The following USHBP1 variants were observed in gnomAD, a reference collection of about 807,000 sequenced individuals.
USHBP1 encodes the protein USH1 protein network component harmonin binding protein 1.
In USHBP1, 67 loss-of-function variants were observed where a neutral mutation model predicts 76.2. The ratio of observed to expected loss-of-function variants is 0.88; its 90% CI spans 0.72 to 1.08. The LOEUF is 1.08. Ranked by LOEUF, USHBP1 falls within the 50% of genes least tolerant of loss-of-function variation. The pLI, the probability that USHBP1 is intolerant of heterozygous loss-of-function variation, is 0.00. For missense variants in USHBP1, 931 were observed against 915.0 expected (o/e 1.02, Z -0.23); for synonymous variants, 322 against 362.2 (o/e 0.89, Z 1.26).
At chr19:17,261,838 C>T (rs889864202) in intron 4 of USHBP1, among the ~76,000 whole-genome samples, 8 of 151,918 alleles carry the variant, frequency 5.3e-5, no homozygotes, top group African/African-American at 1.9e-4. Flanking sequence ...GCACGTGCCA[C>T]CACACCTGGC....
In USHBP1 at chr19:17,259,394, A is replaced by G; in HGVS notation, c.941T>C (p.Leu314Pro). ...CTTGTATCCCTGTAGCACAGCTGAT[A>G]GCAGACGATTAAAGCATTTGAGCTT... ...IEKLKCFNRL[L>P]SAVLQGYKGR... The change falls in exon 7 of 13, where the codon CTA becomes CCA. Residue 314 changes from leucine to proline, a missense_variant. By Grantham distance (98) the Leu-to-Pro change is moderately conservative. Coordinates refer to ENST00000252597, the MANE Select transcript of USHBP1 (RefSeq NM_031941.4). The G allele has an allele frequency of 6.2e-7, 1 of 1,614,174 alleles. No homozygotes were observed. Among genetic ancestry groups the G allele is most frequent in the Non-Finnish European group, 8.5e-7 (1 of 1,180,040 alleles).
chr19:17,258,506 C>T (rs939716987), intron 7 of USHBP1, 121 bp from the exon 8 acceptor site: 8 of 1,107,048 alleles, frequency 7.2e-6, no homozygotes, highest in Admixed American at 5.0e-5. Flanking sequence ...GTCAGGAGTT[C>T]GAGACCAGCC....
At chr19:17,257,229 C>T (rs1299723077) in intron 8 of USHBP1, among the ~76,000 whole-genome samples, 8 of 142,362 alleles carry the variant, frequency 5.6e-5, no homozygotes, top group Non-Finnish European at 1.2e-4. Flanking sequence ...GACGAGGTTT[C>T]ACCGTGTTAG....
In USHBP1 at chr19:17,250,254, G is replaced by T. The variant is rs199788991; in HGVS notation, c.2083C>A (p.Pro695Thr). The change falls in exon 13 of 13, where the codon CCT (proline) becomes ACT (threonine). Residue 695 changes from proline to threonine, a missense_variant. Pro to Thr is a conservative substitution (Grantham distance 38). Transcript: ENST00000252597. ...ALGKPRPPLP[P>T]PQLGDTFL ...AGAAAGGTGTCCCCAAGCTGGGGAG[G>T]CGGGAGGGGAGGCCTGGGCTTCCCC... is the stretch of plus-strand genomic sequence containing the variant. 7 of 1,612,708 alleles carry T rather than the reference G, an allele frequency of 4.3e-6. No homozygotes were observed. In the East Asian group the frequency reaches 1.6e-4, roughly 36 times the overall value.
At chr19:17,261,358 AAG>A (rs1466749101) in intron 4 of USHBP1, among the ~76,000 whole-genome samples, 5 of 102,230 alleles carry the variant, frequency 4.9e-5, no homozygotes, top group African/African-American at 2.1e-4. Context: ...TTTTTTGAGA[AAG>A]AGTTTTCTTC....
At chr19:17,251,786 T>G in intron 11 of USHBP1, 82 bp from the exon 12 acceptor site, 1 of 1,596,076 alleles carries the variant, frequency 6.3e-7, no homozygotes, top group Non-Finnish European at 8.5e-7. Flanking sequence ...CTGCCCACAG[T>G]ATTGTCATGT....
At position 17,255,638 on chromosome 19, in the gene USHBP1, T is replaced by C. The variant is rs1168878994; in HGVS notation, c.1471-32A>G. The C allele has an allele frequency of 2.6e-6, 4 of 1,567,350 alleles. No homozygotes were observed. The East Asian group carries it at 9.3e-5, about 36-fold the overall frequency. On this transcript the variant is annotated intron_variant, in intron 9 of 12. Coordinates refer to ENST00000252597, the MANE Select transcript of USHBP1 (RefSeq NM_031941.4). ...GACCAAGGAGAGGGGAGAGAATTTA[T>C]GCTTCTACGGTCAACTGCAGGGAAA...
intron 5 of USHBP1, 74 bp downstream of exon 5, chr19:17,259,823 T>G (rs1338746395): frequency 1.3e-6 from 2 of 1,583,022 alleles, no homozygotes; most frequent in Non-Finnish European, 1.7e-6. Context: ...TTGGATCCCA[T>G]GACAAAGATT....
At chr19:17,263,656 A>C in intron 3 of USHBP1, 1 of 196,692 alleles carries the variant, frequency 5.1e-6, no homozygotes, top group South Asian at 1.5e-4. Flanking sequence ...AAGTTGGGGG[A>C]TCACTTAAGG....
intron 9 of USHBP1, among the ~76,000 whole-genome samples, chr19:17,256,241 C>T (rs942770636): frequency 6.6e-6 from 1 of 152,118 alleles, no homozygotes; most frequent in Non-Finnish European, 1.5e-5. Flanking sequence ...TTGCTCCCAT[C>T]TCTTCCCATA....
At chr19:17,255,738 T>C in intron 9 of USHBP1, 132 bp from the exon 10 acceptor site, 3 of 993,102 alleles carry the variant, frequency 3.0e-6, no homozygotes, top group Admixed American at 2.8e-5. Context: ...CAGTGGCTCA[T>C]GCCTGTAATC....
At chr19:17,257,042 A>G (rs994025156) in intron 8 of USHBP1, among the ~76,000 whole-genome samples, 7 of 141,710 alleles carry the variant, frequency 4.9e-5, no homozygotes, top group African/African-American at 1.9e-4. Context: ...TTTTTTTGAG[A>G]CGCAGTCTTG....
At chr19:17,255,269 G>A in intron 10 of USHBP1, 116 bp downstream of exon 10, 2 of 1,180,916 alleles carry the variant, frequency 1.7e-6, no homozygotes, top group Non-Finnish European at 2.4e-6. Flanking sequence ...TCCAGCCTGG[G>A]CAACAAGAGC....
chr19:17,250,112 C>T lies in USHBP1; in HGVS notation c.*113G>A, dbSNP rs914896294. 7.6e-5 allele frequency: 99 copies of T among 1,305,068 alleles called. No homozygotes were observed. In the Middle Eastern group the frequency reaches 1.0e-3, roughly 13 times the overall value. 80.8% of individuals were successfully genotyped at this position (1,305,068 alleles called of 1,614,324 possible). A position where few individuals can be genotyped will look rare whatever the true frequency, so the allele number is the denominator to read the frequency against. On this transcript the variant is annotated 3_prime_UTR_variant, in exon 13 of 13. Coordinates refer to ENST00000252597, the MANE Select transcript of USHBP1 (RefSeq NM_031941.4). The stretch of plus-strand genomic sequence containing the variant: ...CACCCATGTGCACCAGCTTCCCTCA[C>T]GCCAAATGTGCCCCAACATGCCAAA...
intron 10 of USHBP1, among the ~76,000 whole-genome samples, chr19:17,253,755 G>A (rs149447385): frequency 0.023 from 3,469 of 149,570 alleles, 105 homozygotes; most frequent in African/African-American, 0.071. Context: ...TTAGCTGGGT[G>A]TGGTGGTGCA....
intron 8 of USHBP1, among the ~76,000 whole-genome samples, chr19:17,257,187 ATTTTT>A: frequency 7.6e-6 from 1 of 131,508 alleles, no homozygotes; most frequent in East Asian, 2.3e-4. Flanking sequence ...CGCCCGGCTA[ATTTTT>A]TTTTTTTTTT....
chr19:17,262,727 C>A lies in USHBP1; in HGVS notation c.467G>T (p.Gly156Val). The change falls in exon 4 of 13, where the codon GGA becomes GTA. Residue 156 changes from glycine to valine, a missense_variant. Coordinates refer to ENST00000252597, the MANE Select transcript of USHBP1 (RefSeq NM_031941.4). ...TTCCTGCTTCCCAAGGGAACCTGCT[C>A]CCCCTTCGCTTGTGCCTTCGAACTC... The part of the protein sequence containing the change: ...PMEFEGTSEG[G>V]AGSLGKQEGA... 1 of 1,614,242 alleles carries A rather than the reference C, an allele frequency of 6.2e-7. No individual in the cohort carries two copies. Among genetic ancestry groups the A allele is most frequent in the East Asian group, 2.2e-5 (1 of 44,884 alleles).
At chr19:17,254,393 A>G (rs1215467708) in intron 10 of USHBP1, among the ~76,000 whole-genome samples, 1 of 148,440 alleles carries the variant, frequency 6.7e-6, no homozygotes, top group Non-Finnish European at 1.5e-5. Flanking sequence ...CAGTGGCTCA[A>G]GCCTGTAATC....
In USHBP1 at chr19:17,250,427, G is replaced by T. The variant is rs753261660; in HGVS notation, c.1923-13C>A. ...CAGGACCAGGGCGCTGGAAGGGGTG[G>T]GTGGCTGGGTCAGGAAACAGCCCCC... On this transcript the variant is annotated splice_polypyrimidine_tract_variant and intron_variant, in intron 12 of 12. Transcript: ENST00000252597. The T allele has an allele frequency of 1.9e-5, 31 of 1,608,346 alleles. No homozygotes were observed. In the South Asian group the frequency reaches 3.0e-4, roughly 15 times the overall value.
Sources: gnomAD v4.1 joint callset for allele counts (sites outside exome capture counted in the v4.1 genomes callset) on GRCh38, gnomAD v4.1.1 for gene constraint, MANE v1.5 for transcripts, NCBI Gene and HGNC (gene_info 2026-07-23, HGNC 2026-07-21) for gene names.